The following SLC39A8 variants were observed in gnomAD, a reference collection of about 807,000 sequenced individuals.
The protein encoded by SLC39A8 is metal cation symporter ZIP8.
Under a neutral mutation model 40.4 loss-of-function variants are expected in SLC39A8, and 15 were observed. The observed-to-expected ratio is 0.37, with a 90% CI of 0.25 to 0.57. The LOEUF (loss-of-function observed/expected upper bound fraction) is 0.57, where lower values mean the gene tolerates loss of function less well. SLC39A8 is among the 20% of genes least tolerant of loss of function. SLC39A8 has a pLI of 0.75. For missense variants in SLC39A8, 472 were observed against 558.8 expected (o/e 0.84, Z 1.57); for synonymous variants, 223 against 221.6 (o/e 1.01, Z -0.06).
intron 6 of SLC39A8, among the ~76,000 whole-genome samples, chr4:102,297,073 A>G (rs558339203): frequency 2.0e-5 from 3 of 152,136 alleles, no homozygotes; most frequent in African/African-American, 7.2e-5. Context: ...GAATAATTTA[A>G]TTTAATTTTA....
intron 2 of SLC39A8, among the ~76,000 whole-genome samples, chr4:102,320,411 T>TATATATATGAGA: frequency 9.3e-6 from 1 of 107,962 alleles, no homozygotes; most frequent in African/African-American, 3.5e-5. Flanking sequence ...TATATGAGAA[T>TATATATATGAGA]ATATATATGA....
chr4:102,304,994 C>A lies in SLC39A8; in HGVS notation c.670G>T (p.Gly224Cys). 6.2e-7 allele frequency: 1 copy of A among 1,601,688 alleles called. No individual in the cohort carries two copies. The highest frequency in any genetic ancestry group is 2.2e-5 in the East Asian group (1 of 44,482). Reference protein sequence around the residue: ...RMLKMLLKTYGQNGHTHFGND... With the variant: ...RMLKMLLKTYCQNGHTHFGND... ...TTTAAATAAAGTCCATTTACCTGAC[C>A]ATATGTCTTTAATAACATCTTTAGC... The change falls in exon 5 of 9, where the codon GGT becomes TGT. Residue 224 changes from glycine to cysteine, a missense_variant. Gly to Cys is a radical substitution (Grantham distance 159). Coordinates refer to ENST00000356736, the MANE Select transcript of SLC39A8 (RefSeq NM_001135146.2).
chr4:102,291,293 C>G (rs1488125811), intron 6 of SLC39A8, among the ~76,000 whole-genome samples: 2 of 151,828 alleles, frequency 1.3e-5, no homozygotes, highest in South Asian at 2.1e-4. Flanking sequence ...TTTGCCAAAG[C>G]CTTTTCTAAA....
At chr4:102,298,787 C>G (rs368112563) in intron 6 of SLC39A8, among the ~76,000 whole-genome samples, 19 of 121,340 alleles carry the variant, frequency 1.6e-4, no homozygotes, top group African/African-American at 5.4e-4. Context: ...TTCTGACTGA[C>G]TTCACAAAGA....
rs746542012 is a variant in SLC39A8, at chr4:102,315,759, G to T, written c.291C>A (p.Phe97Leu). Residue 97 changes from phenylalanine (F) to leucine (L), a missense_variant, in exon 3 of 9, where the codon TTC becomes TTA. Transcript: ENST00000356736. ...GTAAGACTGCTGGACAGATGACAGA[G>T]AATTTGGAGCTGGTTATTTGGGTAG... ...SNATQITSSK[F>L]SVICPAVLQQ... 6.2e-7 allele frequency: 1 copy of T among 1,613,362 alleles called. No homozygotes were observed. The highest frequency in any genetic ancestry group is 1.1e-5 in the South Asian group (1 of 91,012).
chr4:102,331,705 C>T (rs762638559), intron 2 of SLC39A8, among the ~76,000 whole-genome samples: 2 of 152,136 alleles, frequency 1.3e-5, no homozygotes, highest in African/African-American at 4.8e-5. Context: ...CCCATAAAGC[C>T]AAGACAAACC....
chr4:102,334,762 G>A (rs899261732), intron 2 of SLC39A8, among the ~76,000 whole-genome samples: 4 of 152,088 alleles, frequency 2.6e-5, no homozygotes, highest in African/African-American at 7.2e-5. Context: ...AAAGTGCATC[G>A]GTTATAGAAT....
intron 6 of SLC39A8, among the ~76,000 whole-genome samples, chr4:102,287,259 G>A (rs565303822): frequency 6.6e-6 from 1 of 152,156 alleles, no homozygotes; most frequent in East Asian, 1.9e-4. Flanking sequence ...AAATTTGGTA[G>A]GTCTGTTGCA....
intron 2 of SLC39A8, among the ~76,000 whole-genome samples, chr4:102,337,925 A>G (rs1177224191): frequency 6.6e-6 from 1 of 152,228 alleles, no homozygotes; most frequent in Non-Finnish European, 1.5e-5. Flanking sequence ...ATGAAAATTC[A>G]TCACATTTGG....
At chr4:102,272,122 G>C (rs997283173) in intron 6 of SLC39A8, among the ~76,000 whole-genome samples, 7 of 152,070 alleles carry the variant, frequency 4.6e-5, no homozygotes, top group African/African-American at 1.7e-4. Flanking sequence ...AGGACTGCTT[G>C]AGGCCAGGTG....
chr4:102,284,963 T>C (rs915772746), intron 6 of SLC39A8, among the ~76,000 whole-genome samples: 1 of 152,168 alleles, frequency 6.6e-6, no homozygotes, highest in African/African-American at 2.4e-5. Context: ...CCCTCCAATG[T>C]AATCTCTATT....
In SLC39A8 at chr4:102,315,648, A is replaced by G; in HGVS notation, c.382+20T>C. 1 of 1,572,940 alleles carries G rather than the reference A, an allele frequency of 6.4e-7. No individual in the cohort carries two copies. The highest frequency in any genetic ancestry group is 8.6e-7 in the Non-Finnish European group (1 of 1,162,458). ...TTCATAGACTTTTCAAATAAAAGAG[A>G]AAAAATGCTTCTAATATACCTTCTG... On this transcript the variant is annotated intron_variant, in intron 3 of 8. Coordinates refer to ENST00000356736, the MANE Select transcript of SLC39A8 (RefSeq NM_001135146.2).
At chr4:102,295,339 GCTGA>G (rs1470740273) in intron 6 of SLC39A8, among the ~76,000 whole-genome samples, 1 of 151,808 alleles carries the variant, frequency 6.6e-6, no homozygotes, top group African/African-American at 2.4e-5. Context: ...CCACAAAAAT[GCTGA>G]CTATTTAAAT....
At chr4:102,264,936 C>T (rs377445973) in intron 8 of SLC39A8, among the ~76,000 whole-genome samples, 21 of 152,298 alleles carry the variant, frequency 1.4e-4, no homozygotes, top group Admixed American at 2.6e-4. Flanking sequence ...TGTTGCTTAA[C>T]GGAATGTTGT....
intron 2 of SLC39A8, among the ~76,000 whole-genome samples, chr4:102,319,058 G>A (rs1276944478): frequency 2.0e-5 from 3 of 152,198 alleles, no homozygotes; most frequent in African/African-American, 7.2e-5. Context: ...AAACACCAAA[G>A]TAAGGTAGCA....
downstream of SLC39A8, chr4:102,259,336 C>G: frequency 1.8e-6 from 1 of 553,862 alleles, no homozygotes; most frequent in Non-Finnish European, 3.1e-6. Context: ...GTTTTACTAC[C>G]AGTTGGTCTA....
At chr4:102,298,195 G>A (rs1237456446) in intron 6 of SLC39A8, among the ~76,000 whole-genome samples, 1 of 151,932 alleles carries the variant, frequency 6.6e-6, no homozygotes, top group African/African-American at 2.4e-5. Flanking sequence ...CTTTAGAACA[G>A]TTTTTCATGA....
At chr4:102,342,162 C>T (rs561421649) in intron 2 of SLC39A8, among the ~76,000 whole-genome samples, 1 of 152,286 alleles carries the variant, frequency 6.6e-6, no homozygotes, top group East Asian at 1.9e-4. Context: ...ATTGGTATTT[C>T]ATTTGTCATC....
chr4:102,302,891 C>G (rs192002168), intron 6 of SLC39A8, among the ~76,000 whole-genome samples: 30 of 152,056 alleles, frequency 2.0e-4, no homozygotes, highest in East Asian at 1.2e-3. Context: ...TTTGCAAACT[C>G]TTGGCTGAAA....
Sources: gnomAD v4.1 joint callset for allele counts (sites outside exome capture counted in the v4.1 genomes callset) on GRCh38, gnomAD v4.1.1 for gene constraint, MANE v1.5 for transcripts, NCBI Gene and HGNC (gene_info 2026-07-23, HGNC 2026-07-21) for gene names.